The following PPP6R2 variants were observed in gnomAD, a reference collection of about 807,000 sequenced individuals.
The protein encoded by PPP6R2 is protein phosphatase 6 regulatory subunit 2, also known as serine/threonine-protein phosphatase 6 regulatory subunit 2.
In PPP6R2, 62 loss-of-function variants were observed where a neutral mutation model predicts 100.2. The observed-to-expected ratio is 0.62, with a 90% CI of 0.50 to 0.76. PPP6R2 has a LOEUF of 0.76. Ranked by LOEUF, PPP6R2 falls within the 30% of genes least tolerant of loss-of-function variation. The pLI is 0.00. For missense variants in PPP6R2, 1,142 were observed against 1,276.3 expected, an observed-to-expected ratio of 0.89 and a Z score of 1.60; for synonymous variants, 525 against 514.7, an observed-to-expected ratio of 1.02 and a Z score of -0.27.
chr22:50,443,962 T>G lies in PPP6R2; in HGVS notation c.2676T>G (p.Thr892=). 1 of 1,612,066 alleles carries G rather than the reference T, an allele frequency of 6.2e-7. No individual in the cohort carries two copies. The highest frequency in any genetic ancestry group is 8.5e-7 in the Non-Finnish European group (1 of 1,179,576). Reference sequence around the variant, plus strand: ...CCGTGGCTGTGCCCCCCGAGGCTACTGTGGCCATCACCACAGCACTGAGCA... The same window carrying G: ...CCGTGGCTGTGCCCCCCGAGGCTACGGTGGCCATCACCACAGCACTGAGCA... ...APAVAVPPEA[T]VAITTALSKA... The change falls in exon 23 of 24, where the codon ACT becomes ACG. Residue 892 remains threonine, a synonymous_variant. Transcript: ENST00000612753.
At chr22:50,379,347 A>T (rs189860179) in intron 2 of PPP6R2, among the ~76,000 whole-genome samples, 11 of 151,956 alleles carry the variant, frequency 7.2e-5, no homozygotes, top group Admixed American at 5.9e-4. Flanking sequence ...AAATAAAAAA[A>T]TTAGCCGGGA....
intron 1 of PPP6R2, among the ~76,000 whole-genome samples, chr22:50,349,047 T>C (rs1407583519): frequency 1.3e-5 from 2 of 150,874 alleles, no homozygotes; most frequent in African/African-American, 4.9e-5. Flanking sequence ...CAAAAAAAAC[T>C]AGCCAGGCAT....
intron 22 of PPP6R2, among the ~76,000 whole-genome samples, chr22:50,442,141 A>G (rs147757534): frequency 1.1e-3 from 162 of 152,294 alleles, no homozygotes; most frequent in Non-Finnish European, 1.4e-3. Context: ...CTCACCGCCC[A>G]ATGCAGCTCA....
intron 2 of PPP6R2, among the ~76,000 whole-genome samples, chr22:50,384,460 C>G (rs978305724): frequency 6.6e-6 from 1 of 152,106 alleles, no homozygotes; most frequent in Non-Finnish European, 1.5e-5. Context: ...GAGGCTGAGG[C>G]AGGAGAATCG....
chr22:50,382,682 CTT>C (rs2053372500), intron 2 of PPP6R2, among the ~76,000 whole-genome samples: 3 of 152,052 alleles, frequency 2.0e-5, no homozygotes, highest in South Asian at 4.2e-4. Context: ...CAATTAAAGA[CTT>C]GAATAAATGG....
At chr22:50,357,663 T>G (rs1004192848) in intron 1 of PPP6R2, among the ~76,000 whole-genome samples, 1 of 151,644 alleles carries the variant, frequency 6.6e-6, no homozygotes, top group African/African-American at 2.4e-5. Context: ...AGTCTTGCAC[T>G]GTCACCCAGG....
intron 2 of PPP6R2, among the ~76,000 whole-genome samples, chr22:50,380,099 C>G (rs1452292023): frequency 2.0e-5 from 3 of 152,082 alleles, no homozygotes; most frequent in Non-Finnish European, 4.4e-5. Flanking sequence ...TGACACAGTT[C>G]TGGTTCTGGT....
At chr22:50,360,453 C>T (rs1487529754) in intron 1 of PPP6R2, among the ~76,000 whole-genome samples, 1 of 151,244 alleles carries the variant, frequency 6.6e-6, no homozygotes, top group Non-Finnish European at 1.5e-5. Context: ...GTCTTGAACT[C>T]TCAGGCATAA....
rs796576795 is a variant in PPP6R2 at position 50,419,239 on chromosome 22, A to G, written c.732-110A>G. ...ACCCTGGCGCCTTGCCTTGAGCCTGAGCAGGTTGAGGGTTTTGCTGGGGTC... is the reference window on the plus strand; with the variant it reads ...ACCCTGGCGCCTTGCCTTGAGCCTGGGCAGGTTGAGGGTTTTGCTGGGGTC... On this transcript the variant is annotated intron_variant, in intron 7 of 23. Coordinates refer to ENST00000612753, the MANE Select transcript of PPP6R2 (RefSeq NM_001242898.2). The G allele has an allele frequency of 3.6e-5, 35 of 975,248 alleles. No homozygotes were observed. The African/African-American group carries it at 4.7e-4, about 13-fold the overall frequency. The allele number at this position is 975,248 out of a possible 1,614,324, so 60.4% of individuals were successfully genotyped here. A position where few individuals can be genotyped will look rare whatever the true frequency, so the allele number is the denominator to read the frequency against.
intron 10 of PPP6R2, among the ~76,000 whole-genome samples, chr22:50,429,666 G>T (rs1243946399): frequency 6.6e-6 from 1 of 152,166 alleles, no homozygotes; most frequent in Non-Finnish European, 1.5e-5. Context: ...AGTTTGAGAA[G>T]GATTAGTGTT....
At chr22:50,362,889 C>G (rs570535646) in intron 1 of PPP6R2, among the ~76,000 whole-genome samples, 1 of 152,166 alleles carries the variant, frequency 6.6e-6, no homozygotes, top group African/African-American at 2.4e-5. Flanking sequence ...TAATTGTCTG[C>G]TGTTGAAGGT....
intron 3 of PPP6R2, among the ~76,000 whole-genome samples, chr22:50,401,929 T>G (rs954800283): frequency 4.6e-5 from 7 of 152,120 alleles, no homozygotes; most frequent in African/African-American, 1.4e-4. Context: ...CCACCACGCC[T>G]GGCCCATATT....
intron 19 of PPP6R2, 95 bp downstream of exon 19, chr22:50,438,857 G>A (rs923683319): frequency 8.7e-6 from 11 of 1,271,286 alleles, no homozygotes; most frequent in Middle Eastern, 2.5e-4. Context: ...TGGAGCTGAG[G>A]CATTTGGGGC....
chr22:50,363,581 G>A (rs904371268), intron 1 of PPP6R2, among the ~76,000 whole-genome samples: 2 of 152,180 alleles, frequency 1.3e-5, no homozygotes, highest in African/African-American at 4.8e-5. Context: ...AGGGCATATG[G>A]TAGAGTCAGG....
intron 10 of PPP6R2, among the ~76,000 whole-genome samples, chr22:50,427,434 T>A (rs2334095): frequency 0.38 from 58,492 of 152,082 alleles, 11,689 homozygotes; most frequent in East Asian, 0.67. Flanking sequence ...GTTTGCAAAA[T>A]TGCTGTTCAG....
the PPP6R2 span, among the ~76,000 whole-genome samples, chr22:50,337,362 T>G: frequency 2.5e-5 from 3 of 118,894 alleles, no homozygotes; most frequent in Non-Finnish European, 5.2e-5. Flanking sequence ...TGTGTGGGTG[T>G]GTGTGTGCTG....
At chr22:50,394,167 C>CCAGGCAGTGCTG in intron 3 of PPP6R2, 32 bp downstream of exon 3, 1 of 1,606,308 alleles carries the variant, frequency 6.2e-7, no homozygotes, top group Non-Finnish European at 8.5e-7. Flanking sequence ...GGCCAGTACG[C>CCAGGCAGTGCTG]CAGGCAGTGC....
chr22:50,334,257 G>C, the PPP6R2 span, among the ~76,000 whole-genome samples: 2 of 152,220 alleles, frequency 1.3e-5, no homozygotes, highest in African/African-American at 4.8e-5. Context: ...TGAGTAACAG[G>C]TGCCTTCCCA....
At chr22:50,405,243 G>A (rs901231856) in intron 3 of PPP6R2, among the ~76,000 whole-genome samples, 16 of 152,088 alleles carry the variant, frequency 1.1e-4, no homozygotes, top group African/African-American at 3.6e-4. Context: ...TAGACTGGAG[G>A]TGAGAGGCCT....
Sources: gnomAD v4.1 joint callset for allele counts (sites outside exome capture counted in the v4.1 genomes callset) on GRCh38, gnomAD v4.1.1 for gene constraint, MANE v1.5 for transcripts, NCBI Gene and HGNC (gene_info 2026-07-23, HGNC 2026-07-21) for gene names.